The following HEPH variants were observed in gnomAD, a reference collection of about 807,000 sequenced individuals.
HEPH encodes the protein hephaestin.
A neutral mutation model predicts 80.8 loss-of-function variants in HEPH; 69 were observed. That is an observed-to-expected ratio of 0.85 (90% CI 0.70 to 1.04). The LOEUF (loss-of-function observed/expected upper bound fraction) is 1.04. Among genes scored for constraint, HEPH ranks in the 50% least tolerant of loss-of-function variants. HEPH has a pLI of 0.00. For synonymous variants in HEPH, 431 were observed against 322.8 expected, an observed-to-expected ratio of 1.34 and a Z score of -3.60; for missense variants, 1,115 against 891.3, an observed-to-expected ratio of 1.25 and a Z score of -3.20.
At chrX:66,162,898 A>G (rs1040754484), upstream of HEPH, 8 of 1,145,605 alleles carry the variant, frequency 7.0e-6, no homozygotes, top group Non-Finnish European at 9.2e-6. Context: ...AGGTGGTGGA[A>G]CCCCCATCAT....
chrX:66,228,867 T>TA (rs777837979), intron 15 of HEPH, among the ~76,000 whole-genome samples: 6 of 110,308 alleles, frequency 5.4e-5, no homozygotes, highest in South Asian at 3.8e-4. Flanking sequence ...GTCAAAAAAA[T>TA]AAAAAAAAGT....
rs763259219 is a variant in HEPH at position 66,260,243 on chromosome X, C to T, written c.3180C>T (p.Phe1060=). 9.1e-6 allele frequency: 11 copies of T among 1,205,954 alleles called. No individual in the cohort carries two copies. The highest frequency in any genetic ancestry group is 1.8e-5 in the African/African-American group (1 of 56,730). Residue 1060 remains phenylalanine (F), a synonymous_variant, in exon 19 of 21, where the codon TTC becomes TTT. Transcript: ENST00000343002. ...TCCATGCTGGCATGGAGACCCTCTT[C>T]ACTGTTTTTTCTCGAACAGGTAAGT... The part of the protein sequence containing the change: ...DHVHAGMETL[F]TVFSRTEHLS...
At chrX:66,231,959 C>T (rs1374556042) in intron 15 of HEPH, among the ~76,000 whole-genome samples, 1 of 110,593 alleles carries the variant, frequency 9.0e-6, no homozygotes. Context: ...CCCATGAATA[C>T]CTAATTTATT....
chrX:66,201,199 C>A (rs1361619615), intron 12 of HEPH, among the ~76,000 whole-genome samples: 1 of 110,352 alleles, frequency 9.1e-6, no homozygotes, highest in East Asian at 2.8e-4. Flanking sequence ...CTCTTTCTAC[C>A]CATGATGCGC....
At chrX:66,253,873 A>G (rs767033875) in intron 15 of HEPH, among the ~76,000 whole-genome samples, 4 of 111,609 alleles carry the variant, frequency 3.6e-5, no homozygotes, top group Admixed American at 9.5e-5. Flanking sequence ...TATCTATGGA[A>G]TGCCCCTAAT....
chrX:66,263,971 A>T (rs2091447936), intron 20 of HEPH, among the ~76,000 whole-genome samples: 1 of 110,562 alleles, frequency 9.0e-6, no homozygotes, highest in African/African-American at 3.3e-5. Flanking sequence ...CTAATGTGTG[A>T]GGGGGGAAGT....
chrX:66,164,519 G>A, intron 1 of HEPH, 49 bp downstream of exon 1: 1 of 737,668 alleles, frequency 1.4e-6, no homozygotes, highest in South Asian at 6.9e-5. Flanking sequence ...CTGCCTTCCT[G>A]TGCAAAAACG....
At chrX:66,259,008 A>G (rs760784890) in intron 18 of HEPH, 29 bp downstream of exon 18, 1 of 1,181,598 alleles carries the variant, frequency 8.5e-7, no homozygotes, top group Non-Finnish European at 1.1e-6. Flanking sequence ...TGAGTCCCTC[A>G]AGGATGATTA....
chrX:66,205,226 G>A (rs150561615), intron 13 of HEPH, among the ~76,000 whole-genome samples: 1,551 of 111,790 alleles, frequency 0.014, 29 homozygotes, highest in African/African-American at 0.048. Context: ...CCATCACATA[G>A]GTAGTAAGCA....
chrX:66,243,307 A>G (rs2090674547), intron 15 of HEPH, among the ~76,000 whole-genome samples: 1 of 112,335 alleles, frequency 8.9e-6, no homozygotes, highest in African/African-American at 3.2e-5. Flanking sequence ...ACTCAAAGTT[A>G]TGGGTAACAA....
intron 15 of HEPH, among the ~76,000 whole-genome samples, chrX:66,228,437 T>A (rs765659131): frequency 1.2e-4 from 13 of 112,882 alleles, no homozygotes; most frequent in African/African-American, 2.9e-4. Context: ...TTCTAGAAGA[T>A]AACATTGGAA....
intron 15 of HEPH, among the ~76,000 whole-genome samples, chrX:66,212,509 G>A (rs1602363192): frequency 9.0e-6 from 1 of 111,450 alleles, no homozygotes; most frequent in East Asian, 2.8e-4. Flanking sequence ...GAGAGATATA[G>A]GTCCAGTTTT....
At chrX:66,257,084 C>A (rs1443045186) in intron 17 of HEPH, among the ~76,000 whole-genome samples, 2 of 112,197 alleles carry the variant, frequency 1.8e-5, no homozygotes, top group East Asian at 2.8e-4. Flanking sequence ...TCTAATGGAA[C>A]TAAAAAGTCG....
At chrX:66,239,820 ACAAT>A (rs2148073477) in intron 15 of HEPH, among the ~76,000 whole-genome samples, 1 of 112,361 alleles carries the variant, frequency 8.9e-6, no homozygotes, top group South Asian at 3.7e-4. Context: ...ATCTACCATA[ACAAT>A]CAAGATAAAA....
Position 66,261,981 on chromosome X carries a change from T to C in HEPH, c.3200-1663T>C, listed in dbSNP as rs933072956. ...ATGTAGTAATGGGTTATCCCAAATA[T>C]GAACCATCCAATATATGAGACCATT... On this transcript the variant is annotated intron_variant, in intron 19 of 20. Coordinates refer to ENST00000343002, the MANE Select transcript of HEPH (RefSeq NM_001367233.3). Among the ~76,000 whole-genome samples, 4 of 112,404 alleles carry C rather than the reference T, an allele frequency of 3.6e-5. No homozygotes were observed. The South Asian group carries it at 1.1e-3, about 31-fold the overall frequency.
At chrX:66,180,626 C>CTT (rs750869732) in intron 4 of HEPH, among the ~76,000 whole-genome samples, 3 of 32,307 alleles carry the variant, frequency 9.3e-5, no homozygotes, top group African/African-American at 1.8e-4. Flanking sequence ...CCCAGGTGTT[C>CTT]TTTTTTTTTT....
At chrX:66,172,647 T>C (rs1288438559) in intron 3 of HEPH, 48 bp downstream of exon 3, 1 of 1,084,735 alleles carries the variant, frequency 9.2e-7, no homozygotes, top group African/African-American at 1.9e-5. Context: ...AAATATCACT[T>C]TTCCTTTATT....
chrX:66,260,174 C>T lies in HEPH; in HGVS notation c.3111C>T (p.Ser1037=), dbSNP rs778830083. ...GTFEVVEMVA[S]NPGTWLMHCH... ...TTGAGGTTGTGGAGATGGTGGCCAGCAACCCTGGGACATGGCTGATGCACT... is the reference window on the plus strand; with the variant it reads ...TTGAGGTTGTGGAGATGGTGGCCAGTAACCCTGGGACATGGCTGATGCACT... Residue 1037 remains serine, a synonymous_variant, in exon 19 of 21, where the codon AGC becomes AGT. Transcript: ENST00000343002. 4 of 1,206,833 alleles carry T rather than the reference C, an allele frequency of 3.3e-6. No individual in the cohort carries two copies. In the Admixed American group the frequency reaches 6.5e-5, roughly 20 times the overall value.
chrX:66,248,348 T>G (rs1235458199), intron 15 of HEPH, among the ~76,000 whole-genome samples: 1 of 112,308 alleles, frequency 8.9e-6, no homozygotes, highest in Non-Finnish European at 1.9e-5. Flanking sequence ...ATGAGAATGT[T>G]TCCTTTGTCC....
Sources: allele counts gnomAD v4.1 joint callset (sites outside exome capture counted in the v4.1 genomes callset), GRCh38; gene constraint gnomAD v4.1.1; transcripts MANE v1.5; gene names NCBI Gene and HGNC (gene_info 2026-07-23, HGNC 2026-07-21).